CFAP58: variants seen among roughly 807,000 people sequenced by gnomAD.
CFAP58 encodes cilia and flagella associated protein 58, also known as cilia- and flagella-associated protein 58.
A neutral mutation model predicts 119.5 loss-of-function variants in CFAP58; 88 were observed. The ratio of observed to expected loss-of-function variants is 0.74; its 90% CI spans 0.62 to 0.88. CFAP58 has a LOEUF of 0.88. Among genes scored for constraint, CFAP58 ranks in the 40% least tolerant of loss-of-function variants. The probability of loss-of-function intolerance (pLI) is 0.00; values close to 1 mark genes in which losing one functional copy is unlikely to be tolerated. For missense variants in CFAP58, 990 were observed against 1,021.2 expected (o/e 0.97, Z 0.42); for synonymous variants, 365 against 366.3 (o/e 1.00, Z 0.04).
intron 15 of CFAP58, among the ~76,000 whole-genome samples, chr10:104,407,187 T>C (rs1249417009): frequency 6.6e-6 from 1 of 152,234 alleles, no homozygotes; most frequent in Non-Finnish European, 1.5e-5. Flanking sequence ...CACATGAAGA[T>C]TTATGTGAGT....
At position 104,357,899 on chromosome 10, in the gene CFAP58, GTACACATATACA is replaced by G. The variant is rs1564875839; in HGVS notation, c.10-441_10-430del. Among the ~76,000 whole-genome samples the G allele has an allele frequency of 2.4e-4, 26 of 107,016 alleles. 1 individual carries two copies. Among genetic ancestry groups the G allele is most frequent in the African/African-American group, 1.2e-3 (23 of 19,638 alleles). The allele number at this position is 107,016 out of a possible 152,430, so 70.2% of individuals were successfully genotyped here. ...TATGTACACATATATAAACATATAT[GTACACATATACA>G]CACATATATGTACACATATACACAC... On this transcript the variant is annotated intron_variant, in intron 1 of 17. Transcript: ENST00000369704.
intron 13 of CFAP58, 84 bp downstream of exon 13, chr10:104,400,987 C>T: frequency 1.1e-6 from 1 of 904,612 alleles, no homozygotes; most frequent in African/African-American, 1.7e-5. Context: ...GCTTGTTGCT[C>T]ATTGAAGGTC....
intron 5 of CFAP58, among the ~76,000 whole-genome samples, chr10:104,367,340 C>G (rs911695911): frequency 1.3e-5 from 2 of 152,100 alleles, no homozygotes; most frequent in East Asian, 1.9e-4. Flanking sequence ...ATTGAAAAGT[C>G]TTTTCTTAAA....
chr10:104,373,076 T>A (rs1297906335), intron 7 of CFAP58, among the ~76,000 whole-genome samples: 1 of 152,102 alleles, frequency 6.6e-6, no homozygotes, highest in Non-Finnish European at 1.5e-5. Context: ...CAATAGCTTT[T>A]TTTCATACCA....
intron 1 of CFAP58, among the ~76,000 whole-genome samples, chr10:104,357,860 C>A (rs532633150): frequency 8.4e-6 from 1 of 118,914 alleles, no homozygotes; most frequent in Admixed American, 7.8e-5. Flanking sequence ...CATATATACA[C>A]ATATATACAC....
At chr10:104,348,437 G>A in the CFAP58 span, among the ~76,000 whole-genome samples, 1 of 152,162 alleles carries the variant, frequency 6.6e-6, no homozygotes, top group African/African-American at 2.4e-5. Context: ...TCTAAGAGGC[G>A]ATTCTATCCA....
intron 15 of CFAP58, among the ~76,000 whole-genome samples, chr10:104,439,813 C>T (rs555357794): frequency 9.2e-5 from 14 of 152,152 alleles, no homozygotes; most frequent in African/African-American, 2.7e-4. Context: ...TTGGAAGTGA[C>T]TTACTGATTT....
At chr10:104,372,477 C>G (rs1314625122) in intron 7 of CFAP58, among the ~76,000 whole-genome samples, 1 of 152,190 alleles carries the variant, frequency 6.6e-6, no homozygotes, top group Non-Finnish European at 1.5e-5. Context: ...CAGCTTATCT[C>G]AACAGTTTCT....
intron 15 of CFAP58, among the ~76,000 whole-genome samples, chr10:104,422,651 G>A (rs975402576): frequency 6.6e-6 from 1 of 152,304 alleles, no homozygotes; most frequent in South Asian, 2.1e-4. Flanking sequence ...CGAGAGGGAA[G>A]TAGTGTCTGA....
intron 9 of CFAP58, among the ~76,000 whole-genome samples, chr10:104,389,726 A>G (rs1053243064): frequency 2.0e-5 from 3 of 152,206 alleles, no homozygotes; most frequent in Non-Finnish European, 4.4e-5. Flanking sequence ...AGTGCCTGCC[A>G]TAGATGGGTC....
intron 1 of CFAP58, among the ~76,000 whole-genome samples, chr10:104,355,536 T>G (rs1219097063): frequency 2.0e-5 from 3 of 152,242 alleles, no homozygotes; most frequent in Non-Finnish European, 4.4e-5. Context: ...ATTTCCCCTC[T>G]GGCCTCATCT....
intron 12 of CFAP58, among the ~76,000 whole-genome samples, chr10:104,399,832 G>C (rs540187918): frequency 2.1e-4 from 32 of 152,152 alleles, no homozygotes; most frequent in Admixed American, 7.9e-4. Context: ...TCTTGACTGG[G>C]TGTTCACATG....
chr10:104,419,983 C>T (rs901302063), intron 15 of CFAP58, among the ~76,000 whole-genome samples: 1 of 152,082 alleles, frequency 6.6e-6, no homozygotes, highest in Admixed American at 6.6e-5. Flanking sequence ...TTTGCAATAA[C>T]CCTGTTTTGC....
intron 11 of CFAP58, 24 bp downstream of exon 11, chr10:104,393,499 A>C: frequency 6.2e-7 from 1 of 1,601,260 alleles, no homozygotes; most frequent in Non-Finnish European, 8.5e-7. Context: ...AGTAAAAGCA[A>C]AGTACCAACA....
the CFAP58 span, among the ~76,000 whole-genome samples, chr10:104,341,801 A>G: frequency 6.6e-6 from 1 of 152,220 alleles, no homozygotes; most frequent in Non-Finnish European, 1.5e-5. Context: ...AAGCCATCAG[A>G]TAAAATTTGG....
chr10:104,354,186 G>T (rs922030495), intron 1 of CFAP58, among the ~76,000 whole-genome samples: 1 of 152,142 alleles, frequency 6.6e-6, no homozygotes, highest in African/African-American at 2.4e-5. Context: ...CACGTGACAT[G>T]CACCCAGCCC....
At chr10:104,423,688 A>G (rs369975460) in intron 15 of CFAP58, among the ~76,000 whole-genome samples, 1 of 152,236 alleles carries the variant, frequency 6.6e-6, no homozygotes, top group Non-Finnish European at 1.5e-5. Context: ...TCTGTATACA[A>G]TTATATCTTA....
At chr10:104,369,253 G>T (rs2014792364) in intron 6 of CFAP58, among the ~76,000 whole-genome samples, 1 of 152,098 alleles carries the variant, frequency 6.6e-6, no homozygotes, top group Non-Finnish European at 1.5e-5. Flanking sequence ...CATAGATTTG[G>T]GCAGAGAACC....
intron 15 of CFAP58, among the ~76,000 whole-genome samples, chr10:104,420,914 G>A (rs1224274391): frequency 7.9e-5 from 12 of 151,712 alleles, no homozygotes; most frequent in Admixed American, 3.9e-4. Flanking sequence ...CCCCACACCC[G>A]GCTAATTTTT....
Sources: allele counts gnomAD v4.1 joint callset (sites outside exome capture counted in the v4.1 genomes callset), GRCh38; gene constraint gnomAD v4.1.1; transcripts MANE v1.5; gene names NCBI Gene and HGNC (gene_info 2026-07-23, HGNC 2026-07-21).